The following RBM39 variants were observed in gnomAD, a reference collection of about 807,000 sequenced individuals.
RBM39 encodes RNA-binding protein 39.
A neutral mutation model predicts 79.6 loss-of-function variants in RBM39; 12 were observed. The observed-to-expected ratio is 0.15, with a 90% confidence interval of 0.10 to 0.24. The LOEUF is 0.24. RBM39 is among the 10% of genes least tolerant of loss of function. The pLI, the probability that RBM39 is intolerant of heterozygous loss-of-function variation, is 1.00. For synonymous variants in RBM39, 185 were observed against 208.4 expected (o/e 0.89, Z 0.97); for missense variants, 243 against 653.4 (o/e 0.37, Z 6.85).
At chr20:35,721,317 G>A (rs954388564) in intron 9 of RBM39, among the ~76,000 whole-genome samples, 1 of 152,050 alleles carries the variant, frequency 6.6e-6, no homozygotes. Flanking sequence ...AATAGTCTTC[G>A]TATGATTTAA....
intron 6 of RBM39, among the ~76,000 whole-genome samples, chr20:35,725,440 T>A (rs752791546): frequency 6.6e-6 from 1 of 152,080 alleles, no homozygotes; most frequent in Non-Finnish European, 1.5e-5. Flanking sequence ...TCTCAAGCAA[T>A]CCTTTTGCCC....
chr20:35,740,671 A>G, intron 2 of RBM39, 153 bp downstream of exon 2: 1 of 1,293,972 alleles, frequency 7.7e-7, no homozygotes, highest in Admixed American at 2.0e-5. Flanking sequence ...TTACATCAAT[A>G]GCATATATTT....
intron 6 of RBM39, among the ~76,000 whole-genome samples, chr20:35,729,076 A>AAAAT (rs11470400): frequency 1.2e-3 from 176 of 150,138 alleles, no homozygotes; most frequent in African/African-American, 1.8e-3. Flanking sequence ...ACTCCGTCTC[A>AAAAT]AAATAAATAA....
chr20:35,729,448 GTA>G lies in RBM39; in HGVS notation c.362+12_362+13del, dbSNP rs1311740559. On this transcript the variant is annotated intron_variant, in intron 5 of 16. Transcript: ENST00000253363. ...GAAAAACAATTTAAACAATTCAGAA[GTA>G]TGTTTAAAAACCTTAATTTGATGCT... is the stretch of plus-strand genomic sequence containing the variant. The G allele has an allele frequency of 6.2e-7, 1 of 1,612,038 alleles. No individual in the cohort carries two copies. Among genetic ancestry groups the G allele is most frequent in the South Asian group, 1.1e-5 (1 of 90,800 alleles).
intron 10 of RBM39, among the ~76,000 whole-genome samples, chr20:35,715,130 T>C (rs918821330): frequency 6.6e-6 from 1 of 152,182 alleles, no homozygotes; most frequent in Non-Finnish European, 1.5e-5. Flanking sequence ...CTGATAGAGA[T>C]ATACAGTGTA....
At chr20:35,729,068 T>G (rs550013981) in intron 6 of RBM39, among the ~76,000 whole-genome samples, 1 of 124,848 alleles carries the variant, frequency 8.0e-6, no homozygotes, top group East Asian at 2.3e-4. Flanking sequence ...TGAGTGAGAC[T>G]CCGTCTCAAA....
intron 3 of RBM39, among the ~76,000 whole-genome samples, chr20:35,735,652 A>G (rs1162748521): frequency 1.3e-5 from 2 of 152,188 alleles, no homozygotes; most frequent in Admixed American, 6.5e-5. Flanking sequence ...AAATACAAAA[A>G]TTTTCTTCCA....
At position 35,740,817 on chromosome 20, in the gene RBM39, T is replaced by C. The variant is rs2040419769; in HGVS notation, c.51+7A>G. Reference sequence around the variant, plus strand: ...TATATAAACCTCACCGACATGTTTTTTCTCACCTTCTTGTAAGGAGCCTCA... The same window carrying C: ...TATATAAACCTCACCGACATGTTTTCTCTCACCTTCTTGTAAGGAGCCTCA... On this transcript the variant is annotated splice_region_variant and intron_variant, in intron 2 of 16. Coordinates refer to ENST00000253363, the MANE Select transcript of RBM39 (RefSeq NM_184234.3). 1.2e-6 allele frequency: 2 copies of C among 1,607,170 alleles called. No individual in the cohort carries two copies. Among genetic ancestry groups the C allele is most frequent in the African/African-American group, 2.7e-5 (2 of 74,526 alleles).
At chr20:35,720,355 G>A (rs562611483) in intron 9 of RBM39, among the ~76,000 whole-genome samples, 1 of 152,268 alleles carries the variant, frequency 6.6e-6, no homozygotes, top group Admixed American at 6.5e-5. Flanking sequence ...CTGTGAAGCA[G>A]ATCAAGTTGG....
intron 6 of RBM39, among the ~76,000 whole-genome samples, chr20:35,726,717 G>GT (rs150261126): frequency 1.3e-5 from 2 of 152,352 alleles, no homozygotes; most frequent in Non-Finnish European, 2.9e-5. Flanking sequence ...AATTAAGGTT[G>GT]TAAGTCATCC....
At chr20:35,740,071 A>G (rs1230204427) in intron 2 of RBM39, 1 of 157,054 alleles carries the variant, frequency 6.4e-6, no homozygotes, top group African/African-American at 2.4e-5. Flanking sequence ...TTAGTGTGAA[A>G]TACTATGGTA....
intron 10 of RBM39, among the ~76,000 whole-genome samples, chr20:35,715,833 T>C (rs759924577): frequency 1.3e-5 from 2 of 152,130 alleles, no homozygotes; most frequent in Admixed American, 6.5e-5. Context: ...CCCCTGCTAA[T>C]AGGCGAGGGT....
Position 35,702,629 on chromosome 20 carries a change from G to T in RBM39, c.*1852C>A, listed in dbSNP as rs2035338368. ...CTGCCCCAAAGAACTCTGCAGTCTGGTATTGAAAAGTAAATTTTCAATGAG... is the reference window on the plus strand; with the variant it reads ...CTGCCCCAAAGAACTCTGCAGTCTGTTATTGAAAAGTAAATTTTCAATGAG... On this transcript the variant is annotated 3_prime_UTR_variant, in exon 17 of 17. Coordinates refer to ENST00000253363, the MANE Select transcript of RBM39 (RefSeq NM_184234.3). The T allele has an allele frequency of 6.6e-6, 1 of 152,234 alleles. No individual in the cohort carries two copies. 9.4% of individuals were successfully genotyped at this position (152,234 alleles called of 1,614,324 possible).
chr20:35,725,634 G>C (rs919403749), intron 6 of RBM39, among the ~76,000 whole-genome samples: 1 of 148,890 alleles, frequency 6.7e-6, no homozygotes, highest in Non-Finnish European at 1.5e-5. Context: ...AAACTGGTTT[G>C]TCATAATTCC....
rs2035504853 is a variant in RBM39, at chr20:35,704,678, C to T, written c.1482G>A (p.Arg494=). 1 of 1,614,070 alleles carries T rather than the reference C, an allele frequency of 6.2e-7. No individual in the cohort carries two copies. The highest frequency in any genetic ancestry group is 8.5e-7 in the Non-Finnish European group (1 of 1,179,958). Residue 494 remains arginine, a synonymous_variant, in exon 16 of 17, where the codon AGG becomes AGA. Coordinates refer to ENST00000253363, the MANE Select transcript of RBM39 (RefSeq NM_184234.3). ...AIAAVNALHG[R]WFAGKMITAA... is the part of the protein sequence containing the mutation. ...TAAATTCAAACTCACCAGCAAACCA[C>T]CTGCCATGCAATGCATTGACAGCAG...
chr20:35,717,763 C>T (rs2037334796), intron 9 of RBM39, among the ~76,000 whole-genome samples: 1 of 152,166 alleles, frequency 6.6e-6, no homozygotes, highest in East Asian at 1.9e-4. Flanking sequence ...GCAGGAGGAT[C>T]GCATGTTAAG....
intron 4 of RBM39, among the ~76,000 whole-genome samples, chr20:35,730,829 TGTGGTCC>T (rs2039281062): frequency 6.6e-6 from 1 of 152,108 alleles, no homozygotes; most frequent in Admixed American, 6.5e-5. Flanking sequence ...AAAATAGCAT[TGTGGTCC>T]CATTTTCAGC....
intron 5 of RBM39, 35 bp from the exon 6 acceptor site, chr20:35,729,400 C>T: frequency 1.2e-6 from 2 of 1,604,116 alleles, no homozygotes; most frequent in Middle Eastern, 1.8e-4. Context: ...GTTATCCAAA[C>T]AAGTACAGCA....
At chr20:35,740,924 T>C in intron 1 of RBM39, 37 bp from the exon 2 acceptor site, 1 of 1,486,804 alleles carries the variant, frequency 6.7e-7, no homozygotes, top group Non-Finnish European at 9.3e-7. Flanking sequence ...GAGTAAACAT[T>C]TCTCTTACAA....
Sources: allele counts gnomAD v4.1 joint callset (sites outside exome capture counted in the v4.1 genomes callset), GRCh38; gene constraint gnomAD v4.1.1; transcripts MANE v1.5; gene names NCBI Gene and HGNC (gene_info 2026-07-23, HGNC 2026-07-21).